SEC14L1: variants seen among roughly 807,000 people sequenced by gnomAD.
The protein encoded by SEC14L1 is SEC14-like protein 1.
In SEC14L1, 48 loss-of-function variants were observed where a neutral mutation model predicts 85.3. The observed-to-expected ratio is 0.56, with a 90% CI of 0.45 to 0.72. The LOEUF (loss-of-function observed/expected upper bound fraction) is 0.72, where lower values mean the gene tolerates loss of function less well. SEC14L1 is among the 30% of genes least tolerant of loss of function. The pLI, the probability that SEC14L1 is intolerant of heterozygous loss-of-function variation, is 0.00. For missense variants in SEC14L1, 682 were observed against 921.4 expected, an observed-to-expected ratio of 0.74 and a Z score of 3.36; for synonymous variants, 391 against 355.5, an observed-to-expected ratio of 1.10 and a Z score of -1.12.
intron 3 of SEC14L1, among the ~76,000 whole-genome samples, chr17:77,108,476 G>A (rs932393906): frequency 6.6e-6 from 1 of 152,112 alleles, no homozygotes; most frequent in Non-Finnish European, 1.5e-5. Flanking sequence ...GGTGGCTCAC[G>A]CCTGTAATCC....
At chr17:77,164,682 A>G (rs1296890553) in intron 3 of SEC14L1, among the ~76,000 whole-genome samples, 1 of 152,152 alleles carries the variant, frequency 6.6e-6, no homozygotes, top group Admixed American at 6.5e-5. Context: ...ACACTTGGAT[A>G]GCTGAGTTGC....
intron 3 of SEC14L1, among the ~76,000 whole-genome samples, chr17:77,122,683 C>T (rs16969674): frequency 0.035 from 5,268 of 152,286 alleles, 171 homozygotes; most frequent in African/African-American, 0.078. Flanking sequence ...GTAGCTGCCA[C>T]GAACAGATAA....
intron 3 of SEC14L1, among the ~76,000 whole-genome samples, chr17:77,145,939 T>C (rs1973282115): frequency 6.6e-6 from 1 of 152,258 alleles, no homozygotes; most frequent in Non-Finnish European, 1.5e-5. Context: ...TGCTTAGCTG[T>C]CTGAAAGCCC....
chr17:77,200,370 T>A (rs963733719), intron 8 of SEC14L1, 114 bp from the exon 9 acceptor site: 1 of 746,038 alleles, frequency 1.3e-6, no homozygotes, highest in Non-Finnish European at 2.2e-6. Context: ...CATTTCACCA[T>A]ATTGGCCAGG....
chr17:77,197,399 G>T (rs141460841), intron 8 of SEC14L1, among the ~76,000 whole-genome samples: 1 of 152,188 alleles, frequency 6.6e-6, no homozygotes, highest in African/African-American at 2.4e-5. Flanking sequence ...CTGCGTGTTA[G>T]TCAGCAATAC....
rs1349556336 is a variant in SEC14L1 at position 77,190,969 on chromosome 17, A to T, written c.213+17A>T. On this transcript the variant is annotated intron_variant, in intron 4 of 16. Transcript: ENST00000436233. ...CTGAAGAAGGTAAAGGTCGGAAAGG[A>T]CGTCTTGGAGGGAAAGGGCGTCCTG... 3.1e-6 allele frequency: 5 copies of T among 1,612,114 alleles called. No homozygotes were observed. The highest frequency in any genetic ancestry group is 1.1e-5 in the South Asian group (1 of 91,028).
rs150910041 is a variant in SEC14L1 at position 77,105,126 on chromosome 17, C to T, written c.-136+11779C>T. ...AAGGCGATCGGATATGCATCCGTCT[C>T]AGTGAGCAGGGGGGCGACTTTGAAT... On this transcript the variant is annotated intron_variant, in intron 3 of 19. Coordinates refer to the SEC14L1 transcript ENST00000392476. Among the ~76,000 whole-genome samples, 347 of 152,180 alleles carry T rather than the reference C, an allele frequency of 2.3e-3. 2 individuals are homozygous for T. Among genetic ancestry groups the T allele is most frequent in the African/African-American group, 7.8e-3 (325 of 41,528 alleles).
At chr17:77,114,418 G>A (rs933237353) in intron 3 of SEC14L1, among the ~76,000 whole-genome samples, 2 of 151,982 alleles carry the variant, frequency 1.3e-5, no homozygotes, top group Admixed American at 6.6e-5. Context: ...CAGCCACTCA[G>A]GAGGCTGAGG....
chr17:77,215,946 T>G lies in SEC14L1; in HGVS notation c.*1923T>G. 1 of 953,192 alleles carries G rather than the reference T, an allele frequency of 1.0e-6. No homozygotes were observed. The allele number at this position is 953,192 out of a possible 1,614,324, so 59.0% of individuals were successfully genotyped here. On this transcript the variant is annotated 3_prime_UTR_variant, in exon 17 of 17. Transcript: ENST00000436233. ...AGGTAGGGTTCGTAGGTAGGGTTCG[T>G]AGGTAGGGTTAGGTAGGGTTCGTAG...
intron 3 of SEC14L1, among the ~76,000 whole-genome samples, chr17:77,128,435 A>G (rs62078286): frequency 1.5e-3 from 59 of 40,610 alleles, no homozygotes; most frequent in African/African-American, 2.6e-3. Context: ...ATTTTATTTT[A>G]TTTTATTTTA....
rs147184897 is a variant in SEC14L1 at position 77,187,870 on chromosome 17, G to T, written c.64-2933G>T. 9.2e-3 allele frequency among the ~76,000 whole-genome samples: 1,397 copies of T among 151,332 alleles called. 26 individuals carry two copies. Among genetic ancestry groups the T allele is most frequent in the African/African-American group, 0.031 (1,259 of 41,182 alleles). Reference sequence around the variant, plus strand: ...GGTGGTCCTCCCATGTCAGCCTCCTGAGTAGCTAGAACTACAGGCATGTAC... The same window carrying T: ...GGTGGTCCTCCCATGTCAGCCTCCTTAGTAGCTAGAACTACAGGCATGTAC... On this transcript the variant is annotated intron_variant, in intron 3 of 16. Coordinates refer to ENST00000436233, the MANE Select transcript of SEC14L1 (RefSeq NM_001143998.2).
In SEC14L1 at chr17:77,196,195, A is replaced by C. The variant is rs375192301; in HGVS notation, c.710-7A>C. On this transcript the variant is annotated splice_polypyrimidine_tract_variant and splice_region_variant and intron_variant, in intron 7 of 16. Coordinates refer to ENST00000436233, the MANE Select transcript of SEC14L1 (RefSeq NM_001143998.2). ...TTTGTTGTAAATAAATGTCACTTAC[A>C]TTCCAGACAAACTAGATGCCGACTA... is the stretch of plus-strand genomic sequence containing the variant. 6.2e-7 allele frequency: 1 copy of C among 1,607,486 alleles called. No individual in the cohort carries two copies. Among genetic ancestry groups the C allele is most frequent in the Non-Finnish European group, 8.5e-7 (1 of 1,174,050 alleles).
At chr17:77,205,391 G>C in intron 11 of SEC14L1, 45 bp downstream of exon 11, 1 of 1,487,460 alleles carries the variant, frequency 6.7e-7, no homozygotes, top group Non-Finnish European at 9.4e-7. Flanking sequence ...CTGAGAAAAC[G>C]AATTAAATAT....
intron 5 of SEC14L1, among the ~76,000 whole-genome samples, chr17:77,193,038 A>C (rs905564758): frequency 6.6e-6 from 1 of 152,082 alleles, no homozygotes; most frequent in Non-Finnish European, 1.5e-5. Context: ...ATTTCCTTGC[A>C]TACTGTGTTT....
chr17:77,213,319 C>G lies in SEC14L1; in HGVS notation c.1869C>G (p.Ser623=). Residue 623 remains serine (S), a synonymous_variant, in exon 16 of 17, where the codon TCC becomes TCG. Transcript: ENST00000436233. This position sits in a 1 kb window ranked among gnomAD's most constrained non-coding sequence, Gnocchi z 7.1. ...CACTGCCCTACTTGTTCTAGGGTTC[C>G]CATGTGACCAGGTGGCCGGGCTTCT... ...ICKEGESVQG[S]HVTRWPGFYI... 6.2e-7 allele frequency: 1 copy of G among 1,607,664 alleles called. No homozygotes were observed. Among genetic ancestry groups the G allele is most frequent in the Non-Finnish European group, 8.5e-7 (1 of 1,176,968 alleles).
chr17:77,204,522 CTTTTTT>C (rs745921636), intron 10 of SEC14L1, among the ~76,000 whole-genome samples: 1,708 of 84,800 alleles, frequency 0.02, 36 homozygotes, highest in South Asian at 0.095. Flanking sequence ...GCCCAGCCAG[CTTTTTT>C]TTTTTTTTTT....
At chr17:77,106,850 AAG>A (rs896735133) in intron 3 of SEC14L1, among the ~76,000 whole-genome samples, 13 of 143,306 alleles carry the variant, frequency 9.1e-5, no homozygotes, top group African/African-American at 2.7e-4. Context: ...AAAAATAAAA[AAG>A]AAAAATTATT....
At chr17:77,193,380 T>C in intron 5 of SEC14L1, 41 bp from the exon 6 acceptor site, 1 of 1,550,116 alleles carries the variant, frequency 6.5e-7, no homozygotes, top group Non-Finnish European at 8.8e-7. Flanking sequence ...GATATTCTGT[T>C]GTCAATTCAG....
At position 77,213,136 on chromosome 17, in the gene SEC14L1, G is replaced by A. The variant is rs1320198453; in HGVS notation, c.1864-178G>A. On this transcript the variant is annotated intron_variant, in intron 15 of 16. Transcript: ENST00000436233. This position sits in a 1 kb window ranked among gnomAD's most constrained non-coding sequence, Gnocchi z 7.1. ...CCCGGGAGTGACCACACTCAGTAGA[G>A]GGAAGGACATTGTCAAACCTGCTGC... Among the ~76,000 whole-genome samples the A allele has an allele frequency of 6.6e-6, 1 of 152,258 alleles. No homozygotes were observed. The highest frequency in any genetic ancestry group is 2.4e-5 in the African/African-American group (1 of 41,478).
Sources: allele counts gnomAD v4.1 joint callset (sites outside exome capture counted in the v4.1 genomes callset), GRCh38; gene constraint gnomAD v4.1.1; non-coding constraint Gnocchi (gnomAD v3.1); transcripts MANE v1.5; gene names NCBI Gene and HGNC (gene_info 2026-07-23, HGNC 2026-07-21).